The following RFX7 variants were observed in gnomAD, a reference collection of about 807,000 sequenced individuals.
The protein encoded by RFX7 is DNA-binding protein RFX7.
In RFX7, 26 loss-of-function variants were observed where a neutral mutation model predicts 111.8. The observed-to-expected ratio is 0.23, with a 90% CI of 0.17 to 0.32. The LOEUF (loss-of-function observed/expected upper bound fraction) is 0.32. Ranked by LOEUF, RFX7 falls within the 10% of genes least tolerant of loss-of-function variation. The probability of loss-of-function intolerance (pLI) is 1.00; values close to 1 mark genes in which losing one functional copy is unlikely to be tolerated. For missense variants in RFX7, 1,573 were observed against 1,772.9 expected, an observed-to-expected ratio of 0.89 and a Z score of 2.02; for synonymous variants, 624 against 624.4, an observed-to-expected ratio of 1.00 and a Z score of 0.01.
rs577789829 is a variant in RFX7, at chr15:56,100,499, A to T, written c.811+860T>A. Among the ~76,000 whole-genome samples the T allele has an allele frequency of 4.6e-5, 7 of 152,370 alleles. No individual in the cohort carries two copies. In the East Asian group the frequency reaches 9.6e-4, roughly 21 times the overall value. On this transcript the variant is annotated intron_variant, in intron 8 of 9. Transcript: ENST00000559447. ...TTAATGTGTAAAAGATACTAAAAAA[A>T]GAAGTGAAGTTAATTAAGAGACTAT...
intron 5 of RFX7, among the ~76,000 whole-genome samples, chr15:56,141,385 C>A (rs1401949900): frequency 6.6e-6 from 1 of 151,578 alleles, no homozygotes; most frequent in Non-Finnish European, 1.5e-5. Context: ...AACAAACAAA[C>A]AAACAAAAAA....
At chr15:56,241,379 T>C (rs2043687385) in intron 2 of RFX7, among the ~76,000 whole-genome samples, 1 of 152,202 alleles carries the variant, frequency 6.6e-6, no homozygotes, top group Admixed American at 6.5e-5. Flanking sequence ...TCACTTATTT[T>C]AAAACTATAA....
intron 2 of RFX7, among the ~76,000 whole-genome samples, chr15:56,210,868 C>T (rs2043306761): frequency 6.6e-6 from 1 of 151,994 alleles, no homozygotes; most frequent in South Asian, 2.1e-4. Flanking sequence ...ATAACCTAAG[C>T]TTCCATCGTA....
At chr15:56,178,184 C>CACAT (rs1555423766) in intron 3 of RFX7, among the ~76,000 whole-genome samples, 16 of 142,236 alleles carry the variant, frequency 1.1e-4, no homozygotes, top group South Asian at 1.1e-3. Flanking sequence ...CACACACACA[C>CACAT]ACACACACAC....
chr15:56,213,814 C>T (rs1426442626), intron 2 of RFX7, among the ~76,000 whole-genome samples: 1 of 152,086 alleles, frequency 6.6e-6, no homozygotes, highest in African/African-American at 2.4e-5. Context: ...CTGATATGTG[C>T]ATTTGTATCC....
upstream of RFX7, chr15:56,243,962 CG>C (rs1252037548): frequency 6.7e-6 from 1 of 149,702 alleles, no homozygotes; most frequent in South Asian, 2.0e-4. Context: ...GCGGGCGCGA[CG>C]GGCCGGGATG....
At chr15:56,161,524 A>G (rs1009570825) in intron 3 of RFX7, among the ~76,000 whole-genome samples, 1 of 152,092 alleles carries the variant, frequency 6.6e-6, no homozygotes, top group Non-Finnish European at 1.5e-5. Flanking sequence ...GTGCTCTAAA[A>G]TATATTTCGG....
At chr15:56,153,254 C>A (rs187246543) in intron 3 of RFX7, among the ~76,000 whole-genome samples, 1 of 152,022 alleles carries the variant, frequency 6.6e-6, no homozygotes, top group African/African-American at 2.4e-5. Context: ...AGAGACACAA[C>A]GAAAAAAGAA....
chr15:56,141,175 C>G (rs1332771948), intron 5 of RFX7, among the ~76,000 whole-genome samples: 1 of 151,766 alleles, frequency 6.6e-6, no homozygotes, highest in Non-Finnish European at 1.5e-5. Context: ...AAAACTCTTT[C>G]TCTACAAAAA....
rs576574447 is a variant in RFX7 at position 56,103,701 on chromosome 15, G to A, written c.402-31C>T. ...AAAGAAGGAAGGACCAATTTAGAGT[G>A]ACAGAATTCAGAATTATATCGCAGG... On this transcript the variant is annotated intron_variant, in intron 5 of 9. Transcript: ENST00000559447. 4.1e-5 allele frequency: 55 copies of A among 1,334,276 alleles called. No homozygotes were observed. In the African/African-American group the frequency reaches 7.7e-4, roughly 19 times the overall value. 82.7% of individuals were successfully genotyped at this position (1,334,276 alleles called of 1,614,324 possible). A position where few individuals can be genotyped will look rare whatever the true frequency, so the allele number is the denominator to read the frequency against.
intron 3 of RFX7, among the ~76,000 whole-genome samples, chr15:56,151,592 C>A (rs1356602199): frequency 6.6e-6 from 1 of 152,150 alleles, no homozygotes; most frequent in African/African-American, 2.4e-5. Context: ...CTGGTACCAG[C>A]CACTGCAAAA....
At chr15:56,217,012 A>G (rs1185883648) in intron 2 of RFX7, among the ~76,000 whole-genome samples, 1 of 152,190 alleles carries the variant, frequency 6.6e-6, no homozygotes, top group Non-Finnish European at 1.5e-5. Flanking sequence ...GTATTTTCCA[A>G]CAATTTATTA....
At chr15:56,152,687 T>C (rs1377391071) in intron 3 of RFX7, among the ~76,000 whole-genome samples, 1 of 144,308 alleles carries the variant, frequency 6.9e-6, no homozygotes, top group Non-Finnish European at 1.5e-5. Context: ...GCAGAAGACA[T>C]GAAATAACTA....
At chr15:56,196,938 C>T (rs1362367111) in intron 2 of RFX7, among the ~76,000 whole-genome samples, 2 of 152,102 alleles carry the variant, frequency 1.3e-5, no homozygotes, top group Admixed American at 6.5e-5. Context: ...ACACACACTA[C>T]AGTATGTTGA....
intron 2 of RFX7, among the ~76,000 whole-genome samples, chr15:56,207,836 G>A (rs1011957504): frequency 6.6e-6 from 1 of 152,160 alleles, no homozygotes; most frequent in Non-Finnish European, 1.5e-5. Flanking sequence ...TGTCAGAGTG[G>A]TAAGATCAGG....
chr15:56,138,880 G>A (rs1457322967), intron 5 of RFX7, among the ~76,000 whole-genome samples: 28 of 152,142 alleles, frequency 1.8e-4, no homozygotes, highest in African/African-American at 6.3e-4. Context: ...TATGAAGCTT[G>A]GTTTGGCTGG....
intron 3 of RFX7, among the ~76,000 whole-genome samples, chr15:56,154,993 AGAC>A (rs1177763052): frequency 6.6e-6 from 1 of 152,244 alleles, no homozygotes; most frequent in Non-Finnish European, 1.5e-5. Flanking sequence ...TCTCGAAAGA[AGAC>A]ATTTATGCAG....
At chr15:56,184,994 T>C (rs929009220) in intron 2 of RFX7, among the ~76,000 whole-genome samples, 1 of 152,210 alleles carries the variant, frequency 6.6e-6, no homozygotes, top group Non-Finnish European at 1.5e-5. Context: ...CTCATCAGTT[T>C]TTATTTTTTG....
intron 2 of RFX7, among the ~76,000 whole-genome samples, chr15:56,238,426 T>C (rs777568462): frequency 6.6e-6 from 1 of 152,200 alleles, no homozygotes; most frequent in Non-Finnish European, 1.5e-5. Context: ...GCCTAAAATA[T>C]AGCAGATACA....
Sources: allele counts gnomAD v4.1 joint callset (sites outside exome capture counted in the v4.1 genomes callset), GRCh38; gene constraint gnomAD v4.1.1; transcripts MANE v1.5; gene names NCBI Gene and HGNC (gene_info 2026-07-23, HGNC 2026-07-21).